The following TNIK variants were observed in gnomAD, a reference collection of about 807,000 sequenced individuals.
TNIK encodes TRAF2 and NCK-interacting protein kinase.
Under a neutral mutation model 191.3 loss-of-function variants are expected in TNIK, and 49 were observed. The ratio of observed to expected loss-of-function variants is 0.26; its 90% CI spans 0.20 to 0.32. The LOEUF is 0.32. Ranked by LOEUF, TNIK falls within the 10% of genes least tolerant of loss-of-function variation. The pLI is 1.00. For missense variants in TNIK, 1,155 were observed against 1,702.3 expected, an observed-to-expected ratio of 0.68 and a Z score of 5.66; for synonymous variants, 594 against 600.9, an observed-to-expected ratio of 0.99 and a Z score of 0.17.
Position 171,219,791 on chromosome 3 carries a change from G to A in TNIK, c.180+8374C>T, listed in dbSNP as rs550745763. On this transcript the variant is annotated intron_variant, in intron 3 of 32. Coordinates refer to ENST00000436636, the MANE Select transcript of TNIK (RefSeq NM_015028.4). ...AAACAAGAAAGCTTTTACACTGTTGGTGGGAGTGTAAATTAGTTTGACCGT... is the reference window on the plus strand; with the variant it reads ...AAACAAGAAAGCTTTTACACTGTTGATGGGAGTGTAAATTAGTTTGACCGT... Among the ~76,000 whole-genome samples, 4 of 152,292 alleles carry A rather than the reference G, an allele frequency of 2.6e-5. No individual in the cohort carries two copies. The East Asian group carries it at 7.7e-4, about 29-fold the overall frequency.
rs143158061 is a variant in TNIK, at chr3:171,422,831, G to A, written c.57+37176C>T. Among the ~76,000 whole-genome samples the A allele has an allele frequency of 7.8e-4, 119 of 152,300 alleles. 1 individual carries two copies. The highest frequency in any genetic ancestry group is 2.7e-3 in the African/African-American group (114 of 41,580). On this transcript the variant is annotated intron_variant, in intron 1 of 32. Transcript: ENST00000436636. ...TGCTCTAACACTTCCTAGCCCGGTG[G>A]CTTTGAACAATGGATATCTTCAGAA...
chr3:171,167,696 G>A (rs1734773871), intron 9 of TNIK, among the ~76,000 whole-genome samples: 1 of 152,116 alleles, frequency 6.6e-6, no homozygotes, highest in Admixed American at 6.6e-5. Context: ...AAAAACTCAG[G>A]CTAGGATGAG....
At chr3:171,441,462 C>T (rs138463384) in intron 1 of TNIK, among the ~76,000 whole-genome samples, 1 of 152,192 alleles carries the variant, frequency 6.6e-6, no homozygotes, top group Non-Finnish European at 1.5e-5. Flanking sequence ...GAGGTTCATG[C>T]ATGCTGCAGC....
At chr3:171,140,201 G>A (rs983294232) in intron 13 of TNIK, among the ~76,000 whole-genome samples, 198 bp downstream of exon 13, 3 of 152,236 alleles carry the variant, frequency 2.0e-5, no homozygotes, top group African/African-American at 7.2e-5. Context: ...CTCTGTCTGG[G>A]TAGAAAGCAA....
chr3:171,136,241 A>G (rs965822605), intron 15 of TNIK, among the ~76,000 whole-genome samples: 2 of 152,224 alleles, frequency 1.3e-5, no homozygotes, highest in Non-Finnish European at 2.9e-5. Context: ...TCATGCATCA[A>G]GGGGAGGTCG....
intron 4 of TNIK, among the ~76,000 whole-genome samples, chr3:171,199,286 C>T (rs1739122023): frequency 2.6e-5 from 4 of 151,914 alleles, no homozygotes. Context: ...TTACCGCCAC[C>T]ACACAGCAGG....
intron 1 of TNIK, among the ~76,000 whole-genome samples, chr3:171,428,010 G>T (rs1026231519): frequency 6.6e-6 from 1 of 152,178 alleles, no homozygotes; most frequent in Non-Finnish European, 1.5e-5. Flanking sequence ...GGCTGGGGGA[G>T]CAGGTCAGGT....
At chr3:171,114,403 A>G (rs1726367647) in intron 18 of TNIK, among the ~76,000 whole-genome samples, 1 of 152,210 alleles carries the variant, frequency 6.6e-6, no homozygotes, top group African/African-American at 2.4e-5. Context: ...ATAAATTTGG[A>G]TATGACCCCT....
chr3:171,226,062 G>C (rs1313508904), intron 3 of TNIK, among the ~76,000 whole-genome samples: 2 of 152,304 alleles, frequency 1.3e-5, no homozygotes, highest in Non-Finnish European at 2.9e-5. Context: ...TTTCTATGTA[G>C]AGACTGATAG....
intron 28 of TNIK, among the ~76,000 whole-genome samples, chr3:171,075,880 G>T (rs1719849027): frequency 6.6e-6 from 1 of 152,090 alleles, no homozygotes; most frequent in African/African-American, 2.4e-5. Context: ...GGGATTACAG[G>T]TGCCCATCAC....
At chr3:171,068,723 AC>A (rs1173328904) in intron 30 of TNIK, 124 bp downstream of exon 30, 21 of 930,906 alleles carry the variant, frequency 2.3e-5, no homozygotes, top group Non-Finnish European at 3.1e-5. Flanking sequence ...TTAATGAAGA[AC>A]GAAAGTCCAT....
chr3:171,138,117 C>A, intron 15 of TNIK, 74 bp downstream of exon 15: 2 of 1,398,706 alleles, frequency 1.4e-6, no homozygotes, highest in Non-Finnish European at 1.9e-6. Flanking sequence ...TGGGTTAACT[C>A]TCCACTTCTA....
chr3:171,426,645 C>T (rs1577896587), intron 1 of TNIK, among the ~76,000 whole-genome samples: 1 of 151,986 alleles, frequency 6.6e-6, no homozygotes, highest in South Asian at 2.1e-4. Flanking sequence ...CTTCAACCTC[C>T]CTCCTTTTTG....
intron 2 of TNIK, among the ~76,000 whole-genome samples, chr3:171,292,079 TTTTTATA>T (rs1370504735): frequency 2.6e-5 from 4 of 152,322 alleles, no homozygotes; most frequent in East Asian, 1.9e-4. Context: ...CTTTTGTCCC[TTTTTATA>T]TTTTATATTT....
At position 171,286,986 on chromosome 3, in the gene TNIK, T is replaced by C. The variant is rs74631279; in HGVS notation, c.124-58765A>G. Among the ~76,000 whole-genome samples, 755 of 152,368 alleles carry C rather than the reference T, an allele frequency of 5.0e-3. 7 individuals are homozygous for C. Among genetic ancestry groups the C allele is most frequent in the Admixed American group, 7.2e-3 (110 of 15,310 alleles). On this transcript the variant is annotated intron_variant, in intron 2 of 32. Transcript: ENST00000436636. Reference sequence around the variant, plus strand: ...CGTACTGTTGGTAAGATGGTTTATATGATGCCAAGTCTTTGGTCAGAAAAG... The same window carrying C: ...CGTACTGTTGGTAAGATGGTTTATACGATGCCAAGTCTTTGGTCAGAAAAG...
intron 2 of TNIK, among the ~76,000 whole-genome samples, chr3:171,322,785 T>G (rs1281378657): frequency 6.7e-6 from 1 of 149,050 alleles, no homozygotes; most frequent in Non-Finnish European, 1.5e-5. Flanking sequence ...CACCAAAGCT[T>G]TGGCTTTGTT....
At chr3:171,277,271 A>G (rs1749860885) in intron 2 of TNIK, among the ~76,000 whole-genome samples, 2 of 152,210 alleles carry the variant, frequency 1.3e-5, no homozygotes, top group South Asian at 4.1e-4. Context: ...TCTATTGTTT[A>G]TAAGTTATTC....
At chr3:171,136,651 T>TCA (rs1314057520) in intron 15 of TNIK, among the ~76,000 whole-genome samples, 3 of 152,216 alleles carry the variant, frequency 2.0e-5, no homozygotes, top group Non-Finnish European at 2.9e-5. Context: ...GGCTAGTTTT[T>TCA]CAGTGGTCTG....
At chr3:171,307,471 AG>A (rs1419609129) in intron 2 of TNIK, among the ~76,000 whole-genome samples, 1 of 152,192 alleles carries the variant, frequency 6.6e-6, no homozygotes, top group Non-Finnish European at 1.5e-5. Flanking sequence ...CATTTGACTC[AG>A]AAGTCTAACC....
Sources: gnomAD v4.1 joint callset for allele counts (sites outside exome capture counted in the v4.1 genomes callset) on GRCh38, gnomAD v4.1.1 for gene constraint, MANE v1.5 for transcripts, NCBI Gene and HGNC (gene_info 2026-07-23, HGNC 2026-07-21) for gene names.